The following CSGALNACT1 variants were observed in gnomAD, a reference collection of about 807,000 sequenced individuals.
CSGALNACT1 encodes chondroitin sulfate N-acetylgalactosaminyltransferase 1, also known as beta4GalNAcT-1.
In CSGALNACT1, 52 loss-of-function variants were observed where a neutral mutation model predicts 51.0. The ratio of observed to expected loss-of-function variants is 1.02; its 90% confidence interval spans 0.82 to 1.29. CSGALNACT1 has a LOEUF of 1.29. Ranked by LOEUF, CSGALNACT1 falls within the 50% of genes most tolerant of loss-of-function variation. The probability of loss-of-function intolerance (pLI) is 0.00; values close to 1 mark genes in which losing one functional copy is unlikely to be tolerated. For missense variants in CSGALNACT1, 935 were observed against 679.2 expected (o/e 1.38, Z -4.19); for synonymous variants, 341 against 254.4 (o/e 1.34, Z -3.24).
In CSGALNACT1 at chr8:19,665,573, C is replaced by A. The variant is rs190953152; in HGVS notation, c.-544+16900G>T. Among the ~76,000 whole-genome samples the A allele has an allele frequency of 2.9e-3, 437 of 152,304 alleles. 6 individuals are homozygous for A. Among genetic ancestry groups the A allele is most frequent in the African/African-American group, 0.01 (417 of 41,562 alleles). On this transcript the variant is annotated intron_variant, in intron 1 of 9. Transcript: ENST00000332246. Reference sequence around the variant, plus strand: ...GATGACTCACCATGCCTTTTCCCAACATCAGGCCCAGGAAGCCACGGACTT... The same window carrying A: ...GATGACTCACCATGCCTTTTCCCAAAATCAGGCCCAGGAAGCCACGGACTT...
intron 6 of CSGALNACT1, among the ~76,000 whole-genome samples, chr8:19,427,421 T>G (rs2058936895): frequency 6.6e-6 from 1 of 152,206 alleles, no homozygotes; most frequent in African/African-American, 2.4e-5. Context: ...CCAAACAAAT[T>G]TGCCGATGCA....
At chr8:19,443,822 G>A (rs1481165658) in intron 5 of CSGALNACT1, among the ~76,000 whole-genome samples, 3 of 152,090 alleles carry the variant, frequency 2.0e-5, no homozygotes, top group Non-Finnish European at 4.4e-5. Context: ...TATATCAGCA[G>A]CCCCCAAATT....
At chr8:19,736,302 G>T (rs907780254) in intron 1 of CSGALNACT1, among the ~76,000 whole-genome samples, 2 of 151,972 alleles carry the variant, frequency 1.3e-5, no homozygotes, top group Admixed American at 1.3e-4. Context: ...TTCCTATGAC[G>T]ACAGACTTGA....
chr8:19,471,618 G>T (rs78038525), intron 4 of CSGALNACT1, among the ~76,000 whole-genome samples: 53 of 152,240 alleles, frequency 3.5e-4, no homozygotes, highest in African/African-American at 1.2e-3. Context: ...GTAACTCAGG[G>T]TAACTCCTAT....
rs536114855 is a variant in CSGALNACT1, at chr8:19,543,519, G to A, written c.-296-37389C>T. ...CCCCTACTTTCTTTCTGAGAGCCTG[G>A]TATTTGGCAGGGGTTGCTACACAGA... On this transcript the variant is annotated intron_variant, in intron 3 of 9. Transcript: ENST00000454498. 3.9e-5 allele frequency among the ~76,000 whole-genome samples: 6 copies of A among 152,258 alleles called. No individual in the cohort carries two copies. In the East Asian group the frequency reaches 1.2e-3, roughly 29 times the overall value.
At chr8:19,468,147 C>A (rs977638597) in intron 4 of CSGALNACT1, among the ~76,000 whole-genome samples, 12 of 146,624 alleles carry the variant, frequency 8.2e-5, no homozygotes, top group Non-Finnish European at 1.8e-4. Flanking sequence ...TCTCCACCTA[C>A]TGGAGGGTCT....
chr8:19,725,403 C>CCTTTTTT (rs1363780035), intron 1 of CSGALNACT1, among the ~76,000 whole-genome samples: 11 of 151,596 alleles, frequency 7.3e-5, no homozygotes, highest in Admixed American at 6.6e-4. Flanking sequence ...AAAGACTTCA[C>CCTTTTTT]CTTTTTTCTT....
intron 1 of CSGALNACT1, among the ~76,000 whole-genome samples, chr8:19,638,109 T>A (rs572364891): frequency 2.7e-5 from 4 of 147,914 alleles, no homozygotes; most frequent in South Asian, 4.4e-4. Context: ...AACCAACGAC[T>A]GTCTAAAATA....
At chr8:19,448,211 G>A (rs1440344200) in intron 5 of CSGALNACT1, among the ~76,000 whole-genome samples, 1 of 152,212 alleles carries the variant, frequency 6.6e-6, no homozygotes, top group African/African-American at 2.4e-5. Context: ...TGCAGTTAAG[G>A]ATACCTCTCT....
intron 1 of CSGALNACT1, among the ~76,000 whole-genome samples, chr8:19,673,794 C>A (rs1025957713): frequency 1.3e-5 from 2 of 152,190 alleles, no homozygotes; most frequent in Non-Finnish European, 2.9e-5. Flanking sequence ...TAGAAATTAA[C>A]CCTATGAAAT....
At chr8:19,579,705 C>G (rs138760370) in intron 3 of CSGALNACT1, among the ~76,000 whole-genome samples, 1 of 152,158 alleles carries the variant, frequency 6.6e-6, no homozygotes, top group African/African-American at 2.4e-5. Context: ...AGGATGAATG[C>G]TAATAGCATA....
At chr8:19,553,927 C>CA (rs1564021267) in intron 3 of CSGALNACT1, among the ~76,000 whole-genome samples, 2 of 117,740 alleles carry the variant, frequency 1.7e-5, no homozygotes, top group Non-Finnish European at 3.6e-5. Context: ...ACACACACAC[C>CA]CAGAATCAAT....
intron 1 of CSGALNACT1, among the ~76,000 whole-genome samples, chr8:19,656,538 C>G (rs1046399003): frequency 3.3e-5 from 5 of 151,726 alleles, no homozygotes; most frequent in Admixed American, 2.0e-4. Flanking sequence ...TTAAAACACA[C>G]ACGTGTACGC....
At chr8:19,544,957 A>G (rs1393456114) in intron 3 of CSGALNACT1, among the ~76,000 whole-genome samples, 1 of 152,168 alleles carries the variant, frequency 6.6e-6, no homozygotes, top group East Asian at 1.9e-4. Context: ...TTTTCAAAGA[A>G]AAAATGGGAA....
At chr8:19,692,783 G>A (rs1432244668) in intron 1 of CSGALNACT1, among the ~76,000 whole-genome samples, 1 of 152,094 alleles carries the variant, frequency 6.6e-6, no homozygotes, top group African/African-American at 2.4e-5. Context: ...GCTTCACGTG[G>A]CAATAGAAAT....
upstream of CSGALNACT1, among the ~76,000 whole-genome samples, chr8:19,604,914 CA>C (rs576342135): frequency 0.025 from 1,623 of 64,430 alleles, 8 homozygotes; most frequent in South Asian, 0.042. Context: ...GACTCTGTCT[CA>C]AAAAAAAAAA....
intron 4 of CSGALNACT1, among the ~76,000 whole-genome samples, chr8:19,482,877 A>G (rs1368431412): frequency 6.6e-6 from 1 of 152,036 alleles, no homozygotes; most frequent in East Asian, 1.9e-4. Context: ...AGACAGCTCA[A>G]AGTCACCCCT....
intron 1 of CSGALNACT1, among the ~76,000 whole-genome samples, chr8:19,646,421 A>T (rs1039823113): frequency 6.6e-6 from 1 of 152,348 alleles, no homozygotes; most frequent in Non-Finnish European, 1.5e-5. Context: ...TAACAAAGAT[A>T]ATTTGAAGAG....
At chr8:19,606,596 A>G (rs2051405489), upstream of CSGALNACT1, among the ~76,000 whole-genome samples, 1 of 152,210 alleles carries the variant, frequency 6.6e-6, no homozygotes, top group African/African-American at 2.4e-5. Flanking sequence ...TGTCAAATGA[A>G]AAAGAGGATC....
Sources: gnomAD v4.1 joint callset for allele counts (sites outside exome capture counted in the v4.1 genomes callset) on GRCh38, gnomAD v4.1.1 for gene constraint, MANE v1.5 for transcripts, NCBI Gene and HGNC (gene_info 2026-07-23, HGNC 2026-07-21) for gene names.